The following FAM120C variants were observed in gnomAD, a reference collection of about 807,000 sequenced individuals.
FAM120C encodes family with sequence similarity 120 member C, also known as constitutive coactivator of PPAR-gamma-like protein 2.
Under a neutral mutation model 71.2 loss-of-function variants are expected in FAM120C, and 14 were observed. The ratio of observed to expected loss-of-function variants is 0.20; its 90% CI spans 0.13 to 0.31. FAM120C has a LOEUF of 0.31. FAM120C is among the 10% of genes least tolerant of loss of function. The probability of loss-of-function intolerance (pLI) is 1.00; values close to 1 mark genes in which losing one functional copy is unlikely to be tolerated. For missense variants in FAM120C, 500 were observed against 879.0 expected, an observed-to-expected ratio of 0.57 and a Z score of 5.45; for synonymous variants, 354 against 353.2, an observed-to-expected ratio of 1.00 and a Z score of -0.03.
chrX:54,116,987 T>G (rs1445043389), intron 9 of FAM120C, among the ~76,000 whole-genome samples, 193 bp from the exon 10 acceptor site: 1 of 111,587 alleles, frequency 9.0e-6, no homozygotes, highest in Non-Finnish European at 1.9e-5. Context: ...ATATATCATC[T>G]CATTAATCCT....
chrX:54,098,845 T>A (rs1314116318), intron 10 of FAM120C, among the ~76,000 whole-genome samples: 1 of 110,640 alleles, frequency 9.0e-6, no homozygotes, highest in Non-Finnish European at 1.9e-5. Flanking sequence ...GGTCTCGAAC[T>A]CCTGACCTCG....
intron 9 of FAM120C, among the ~76,000 whole-genome samples, chrX:54,128,563 C>T (rs2067041247): frequency 9.1e-6 from 1 of 109,539 alleles, no homozygotes; most frequent in Non-Finnish European, 1.9e-5. Flanking sequence ...GAGGGAAGGT[C>T]AGCAGATAAA....
intron 4 of FAM120C, among the ~76,000 whole-genome samples, chrX:54,146,190 GA>G (rs1162658734): frequency 9.0e-6 from 1 of 110,850 alleles, no homozygotes; most frequent in East Asian, 2.8e-4. Flanking sequence ...ATAGCATTAG[GA>G]GATATACCTA....
chrX:54,165,759 A>G (rs782029233), intron 1 of FAM120C, among the ~76,000 whole-genome samples: 110 of 110,646 alleles, frequency 9.9e-4, no homozygotes, highest in Non-Finnish European at 1.8e-3. Context: ...CCTGGGCAAC[A>G]GAGCAAGACT....
intron 1 of FAM120C, among the ~76,000 whole-genome samples, chrX:54,167,800 AT>A (rs199951176): frequency 0.035 from 2,931 of 84,644 alleles, 117 homozygotes; most frequent in African/African-American, 0.23. Context: ...CCCCGTCTCT[AT>A]TTAAAAAAAA....
At chrX:54,128,777 C>A (rs1557128534) in intron 9 of FAM120C, among the ~76,000 whole-genome samples, 1 of 111,695 alleles carries the variant, frequency 9.0e-6, no homozygotes, top group Non-Finnish European at 1.9e-5. Flanking sequence ...TCAGAGAGCA[C>A]AGGGTTGGGG....
At chrX:54,176,348 G>A (rs782432461) in intron 1 of FAM120C, among the ~76,000 whole-genome samples, 6 of 106,915 alleles carry the variant, frequency 5.6e-5, no homozygotes, top group Non-Finnish European at 1.2e-4. Context: ...CAGGAGAATT[G>A]CTTGAACCCA....
intron 1 of FAM120C, chrX:54,174,233 A>G: frequency 2.0e-6 from 1 of 504,322 alleles, no homozygotes; most frequent in Non-Finnish European, 3.6e-6. Context: ...TTTATAACCT[A>G]ATCTTGGAAG....
chrX:54,091,209 T>G, intron 11 of FAM120C, 103 bp downstream of exon 11: 1 of 509,085 alleles, frequency 2.0e-6, no homozygotes, highest in Non-Finnish European at 3.3e-6. Context: ...AACAGTTACC[T>G]GCAGAACTTA....
chrX:54,169,485 T>A (rs2067276614), intron 1 of FAM120C, among the ~76,000 whole-genome samples: 1 of 111,642 alleles, frequency 9.0e-6, no homozygotes, highest in African/African-American at 3.3e-5. Flanking sequence ...AAAAAGAGTG[T>A]AATAAATGCT....
At chrX:54,087,672 C>T in intron 12 of FAM120C, 83 bp downstream of exon 12, 1 of 939,891 alleles carries the variant, frequency 1.1e-6, no homozygotes, top group South Asian at 2.2e-5. Context: ...TCCCTCTCCA[C>T]TATCTCTGCT....
chrX:54,167,736 G>GC (rs2067266956), intron 1 of FAM120C, among the ~76,000 whole-genome samples: 1 of 109,564 alleles, frequency 9.1e-6, no homozygotes, highest in Admixed American at 9.8e-5. Context: ...GGAGGCCAAG[G>GC]CAGGCAGAAC....
chrX:54,137,253 A>G (rs782462409), intron 4 of FAM120C, among the ~76,000 whole-genome samples: 3 of 110,489 alleles, frequency 2.7e-5, no homozygotes, highest in African/African-American at 9.8e-5. Flanking sequence ...GTGCCCGGCC[A>G]ATTTTTTTTT....
At chrX:54,153,228 C>A (rs1487251101) in intron 3 of FAM120C, among the ~76,000 whole-genome samples, 1 of 110,387 alleles carries the variant, frequency 9.1e-6, no homozygotes, top group Non-Finnish European at 1.9e-5. Context: ...TTTTAGAAAA[C>A]CTTCAGGATT....
intron 10 of FAM120C, among the ~76,000 whole-genome samples, chrX:54,108,048 A>G (rs1015963095): frequency 9.5e-6 from 1 of 105,264 alleles, no homozygotes; most frequent in Non-Finnish European, 1.9e-5. Flanking sequence ...ACCAGCATTC[A>G]AACTAAGGTC....
In FAM120C at chrX:54,075,970, G is replaced by A. The variant is rs184347600; in HGVS notation, c.3037-2683C>T. Reference sequence around the variant, plus strand: ...TCTACTAAAAATACAAAAATTAGCCGGGTGTGGTGGTGGGCACCTGTAATC... The same window carrying A: ...TCTACTAAAAATACAAAAATTAGCCAGGTGTGGTGGTGGGCACCTGTAATC... On this transcript the variant is annotated intron_variant, in intron 15 of 15. Transcript: ENST00000375180. Among the ~76,000 whole-genome samples, 293 of 108,610 alleles carry A rather than the reference G, an allele frequency of 2.7e-3. 8 individuals are homozygous for A. In the East Asian group the frequency reaches 0.076, roughly 28 times the overall value. The allele number at this position is 108,610 out of a possible 115,157, so 94.3% of individuals were successfully genotyped here.
chrX:54,170,363 C>T (rs1162483878), intron 1 of FAM120C, among the ~76,000 whole-genome samples: 1 of 110,986 alleles, frequency 9.0e-6, no homozygotes, highest in Non-Finnish European at 1.9e-5. Context: ...GAACTCCTGA[C>T]CTCAGGTGAT....
chrX:54,175,946 G>T (rs782817770), intron 1 of FAM120C, among the ~76,000 whole-genome samples: 4 of 111,596 alleles, frequency 3.6e-5, no homozygotes, highest in Non-Finnish European at 7.5e-5. Flanking sequence ...AGGAAAAAAT[G>T]TTCTAGAAAA....
intron 9 of FAM120C, among the ~76,000 whole-genome samples, chrX:54,117,425 G>A (rs1322096857): frequency 3.1e-5 from 3 of 95,523 alleles, no homozygotes; most frequent in African/African-American, 1.3e-4. Context: ...AAGGCCAGGC[G>A]TGGTGGCTCA....
Sources: gnomAD v4.1 joint callset for allele counts (sites outside exome capture counted in the v4.1 genomes callset) on GRCh38, gnomAD v4.1.1 for gene constraint, MANE v1.5 for transcripts, NCBI Gene and HGNC (gene_info 2026-07-23, HGNC 2026-07-21) for gene names.